The following MRRF variants were observed in gnomAD, a reference collection of about 807,000 sequenced individuals.
The protein encoded by MRRF is mitochondrial ribosome recycling factor.
MRRF carries 18 observed loss-of-function variants against 25.1 expected under a neutral mutation model. The ratio of observed to expected loss-of-function variants is 0.72; its 90% CI spans 0.50 to 1.06. The LOEUF (loss-of-function observed/expected upper bound fraction) is 1.06. MRRF is among the 50% of genes least tolerant of loss of function. The pLI is 0.00. For missense variants in MRRF, 323 were observed against 319.3 expected (o/e 1.01, Z -0.09); for synonymous variants, 113 against 112.1 (o/e 1.01, Z -0.05).
At chr9:122,286,585 C>G (rs1449494891) in intron 4 of MRRF, among the ~76,000 whole-genome samples, 1 of 152,248 alleles carries the variant, frequency 6.6e-6, no homozygotes. Flanking sequence ...TGATGGCACA[C>G]ACCTGTAGTG....
At chr9:122,280,935 A>T (rs1833064030) in intron 3 of MRRF, among the ~76,000 whole-genome samples, 1 of 152,206 alleles carries the variant, frequency 6.6e-6, no homozygotes, top group Non-Finnish European at 1.5e-5. Flanking sequence ...CTTTGCTATC[A>T]TGGAATTAGA....
At chr9:122,308,788 A>G (rs1298236205) in intron 5 of MRRF, among the ~76,000 whole-genome samples, 1 of 151,388 alleles carries the variant, frequency 6.6e-6, no homozygotes, top group Non-Finnish European at 1.5e-5. Context: ...TTGCAGCCTC[A>G]GACTCCTGGG....
rs1836150400 is a variant in MRRF, at chr9:122,326,611, A to T, written c.*3994A>T. On this transcript the variant is annotated 3_prime_UTR_variant, in exon 7 of 7. Coordinates refer to ENST00000344641, the MANE Select transcript of MRRF (RefSeq NM_138777.5). ...TAGCCCATGACACTATTTAAAAATT[A>T]TTTCACATGCATTGGAGAATGTTTA... The T allele has an allele frequency of 6.6e-6, 1 of 152,128 alleles. No homozygotes were observed. Among genetic ancestry groups the T allele is most frequent in the African/African-American group, 2.4e-5 (1 of 41,420 alleles). 9.4% of individuals were successfully genotyped at this position (152,128 alleles called of 1,614,324 possible). A position where few individuals can be genotyped will look rare whatever the true frequency, so the allele number is the denominator to read the frequency against.
intron 2 of MRRF, among the ~76,000 whole-genome samples, chr9:122,279,261 C>G (rs1231492454): frequency 6.6e-6 from 1 of 152,208 alleles, no homozygotes; most frequent in Non-Finnish European, 1.5e-5. Context: ...TTAAAAATCA[C>G]TCTGTTGCTT....
chr9:122,313,306 G>C lies in MRRF; in HGVS notation c.631G>C (p.Val211Leu), dbSNP rs764107948. The C allele has an allele frequency of 3.7e-6, 6 of 1,613,958 alleles. No individual in the cohort carries two copies. ...CAAGGCCAAAGACTCTTTACGGAAG[G>C]TTCGCACCAACTCAATGAACAAGCT... is the stretch of plus-strand genomic sequence containing the variant. ...TNKAKDSLRK[V>L]RTNSMNKLKK... is the part of the protein sequence containing the mutation. The change falls in exon 6 of 7, where the codon GTT (valine) becomes CTT (leucine). Residue 211 changes from valine (V) to leucine (L), a missense_variant. Physicochemically the swap from Val to Leu is conservative, Grantham distance 32. Coordinates refer to ENST00000344641, the MANE Select transcript of MRRF (RefSeq NM_138777.5).
At chr9:122,283,966 TTTGTTGTTGTTGTTG>T (rs199591983) in intron 3 of MRRF, among the ~76,000 whole-genome samples, 8 of 150,534 alleles carry the variant, frequency 5.3e-5, no homozygotes, top group Non-Finnish European at 7.4e-5. Context: ...TGTTAATAGT[TTTGTTGTTGTTGTTG>T]TTGTTGTTGT....
At chr9:122,305,632 T>A (rs1236052531) in intron 5 of MRRF, among the ~76,000 whole-genome samples, 1 of 152,204 alleles carries the variant, frequency 6.6e-6, no homozygotes, top group Non-Finnish European at 1.5e-5. Flanking sequence ...GGGGAGCAGA[T>A]GACACTGGGG....
In MRRF at chr9:122,291,752, A is replaced by G; in HGVS notation, c.463A>G (p.Thr155Ala). 2 of 1,610,026 alleles carry G rather than the reference A, an allele frequency of 1.2e-6. No individual in the cohort carries two copies. The highest frequency in any genetic ancestry group is 1.7e-6 in the Non-Finnish European group (2 of 1,176,226). The change falls in exon 5 of 7, where the codon ACA becomes GCA. Residue 155 changes from threonine (T) to alanine (A), a missense_variant. Physicochemically the swap from Thr to Ala is moderately conservative, Grantham distance 58. Coordinates refer to ENST00000344641, the MANE Select transcript of MRRF (RefSeq NM_138777.5). ...TACCTTTTGATCTGGTTTTCAGTGTACAGCTGCAGCTATCAAGGCTATAAG... is the reference window on the plus strand; with the variant it reads ...TACCTTTTGATCTGGTTTTCAGTGTGCAGCTGCAGCTATCAAGGCTATAAG... ...LVNMASFPEC[T>A]AAAIKAIRES...
At chr9:122,272,770 G>C (rs1832540857) in intron 2 of MRRF, among the ~76,000 whole-genome samples, 2 of 152,004 alleles carry the variant, frequency 1.3e-5, no homozygotes, top group African/African-American at 4.8e-5. Flanking sequence ...TTTATTAATT[G>C]TGTCTTCTTT....
intron 4 of MRRF, 76 bp downstream of exon 4, chr9:122,285,363 T>G: frequency 1.1e-6 from 1 of 890,518 alleles, no homozygotes; most frequent in Non-Finnish European, 1.9e-6. Flanking sequence ...CAGGAGGAAG[T>G]GTTCCTTCAG....
intron 5 of MRRF, 55 bp from the exon 6 acceptor site, chr9:122,313,172 G>T: frequency 1.3e-6 from 2 of 1,553,774 alleles, no homozygotes; most frequent in South Asian, 1.1e-5. Flanking sequence ...TTAAATTCTT[G>T]GCCAGCAGTT....
rs889486841 is a variant in MRRF, at chr9:122,323,237, G to A, written c.*620G>A. ...ACCTGGCCAGTCCTGTTTATCATCA[G>A]GCCTTGTCTTGGATATCACGTCCTC... On this transcript the variant is annotated 3_prime_UTR_variant, in exon 7 of 7. Coordinates refer to ENST00000344641, the MANE Select transcript of MRRF (RefSeq NM_138777.5). 6.3e-6 allele frequency: 1 copy of A among 158,140 alleles called. No homozygotes were observed. Among genetic ancestry groups the A allele is most frequent in the Non-Finnish European group, 1.4e-5 (1 of 71,220 alleles). The allele number at this position is 158,140 out of a possible 1,614,324, so 9.8% of individuals were successfully genotyped here.
At position 122,327,235 on chromosome 9, in the gene MRRF, G is replaced by A. The variant is rs1315154330; in HGVS notation, c.*4618G>A. The A allele has an allele frequency of 6.6e-6, 1 of 152,140 alleles. No homozygotes were observed. The highest frequency in any genetic ancestry group is 1.5e-5 in the Non-Finnish European group (1 of 68,036). 9.4% of individuals were successfully genotyped at this position (152,140 alleles called of 1,614,324 possible). ...GAATATGTCAGAGAGCAAGCAAAAT[G>A]TTCACCAAGCAGTGAATAATGATAA... is the stretch of plus-strand genomic sequence containing the variant. On this transcript the variant is annotated 3_prime_UTR_variant, in exon 7 of 7. Coordinates refer to ENST00000344641, the MANE Select transcript of MRRF (RefSeq NM_138777.5).
At chr9:122,265,912 C>T in intron 1 of MRRF, 1 of 444,986 alleles carries the variant, frequency 2.2e-6, no homozygotes, top group South Asian at 1.7e-5. Context: ...ACTACAAGTA[C>T]CTTTCTTTAC....
At chr9:122,314,474 G>T (rs956821245) in intron 6 of MRRF, among the ~76,000 whole-genome samples, 1 of 152,234 alleles carries the variant, frequency 6.6e-6, no homozygotes, top group African/African-American at 2.4e-5. Flanking sequence ...GGGGAAAGAA[G>T]TGAATATTTG....
intron 2 of MRRF, among the ~76,000 whole-genome samples, chr9:122,278,075 T>C (rs533724623): frequency 5.9e-5 from 9 of 152,254 alleles, no homozygotes; most frequent in Non-Finnish European, 1.2e-4. Flanking sequence ...TTAGCTGTGT[T>C]GAAATATTCC....
intron 1 of MRRF, among the ~76,000 whole-genome samples, chr9:122,265,183 G>A (rs1831988204): frequency 6.6e-6 from 1 of 152,178 alleles, no homozygotes; most frequent in Non-Finnish European, 1.5e-5. Context: ...AAGAGTAGCC[G>A]CACACTTGAC....
chr9:122,286,593 G>A (rs968276680), intron 4 of MRRF, among the ~76,000 whole-genome samples: 7 of 152,130 alleles, frequency 4.6e-5, no homozygotes, highest in Non-Finnish European at 1.0e-4. Flanking sequence ...CACACCTGTA[G>A]TGCTAGCTAC....
At chr9:122,306,908 G>A (rs17273828) in intron 5 of MRRF, among the ~76,000 whole-genome samples, 1,650 of 152,294 alleles carry the variant, frequency 0.011, 18 homozygotes, top group South Asian at 0.044. Context: ...ATGGTCCTTT[G>A]AAAGCAGGTG....
Sources: gnomAD v4.1 joint callset for allele counts (sites outside exome capture counted in the v4.1 genomes callset) on GRCh38, gnomAD v4.1.1 for gene constraint, MANE v1.5 for transcripts, NCBI Gene and HGNC (gene_info 2026-07-23, HGNC 2026-07-21) for gene names.